SLC6A6: variants seen among roughly 807,000 people sequenced by gnomAD.
SLC6A6 encodes the protein solute carrier family 6 member 6, also known as sodium- and chloride-dependent taurine transporter.
In SLC6A6, 16 loss-of-function variants were observed where a neutral mutation model predicts 68.8. The observed-to-expected ratio is 0.23, with a 90% CI of 0.16 to 0.35. The LOEUF (loss-of-function observed/expected upper bound fraction) is 0.35. Ranked by LOEUF, SLC6A6 falls within the 10% of genes least tolerant of loss-of-function variation. The pLI is 1.00. For synonymous variants in SLC6A6, 312 were observed against 315.4 expected (o/e 0.99, Z 0.12); for missense variants, 474 against 802.8 (o/e 0.59, Z 4.95).
chr3:14,462,495 C>T (rs1398406927), intron 6 of SLC6A6, among the ~76,000 whole-genome samples: 4 of 152,058 alleles, frequency 2.6e-5, no homozygotes, highest in African/African-American at 4.8e-5. Flanking sequence ...TTCAGGAGTC[C>T]GAGACCAACC....
chr3:14,484,956 G>A lies in SLC6A6; in HGVS notation c.1812G>A (p.Met604Ile). 1 of 1,613,258 alleles carries A rather than the reference G, an allele frequency of 6.2e-7. No individual in the cohort carries two copies. Among genetic ancestry groups the A allele is most frequent in the East Asian group, 2.2e-5 (1 of 44,874 alleles). Residue 604 changes from methionine to isoleucine, a missense_variant, in exon 15 of 15, where the codon ATG becomes ATA. Transcript: ENST00000622186. ...CACCTTACAACTCTCGCACCGTCATGAACGGCGCTCTCGTGAAACCGACCC... is the reference window on the plus strand; with the variant it reads ...CACCTTACAACTCTCGCACCGTCATAAACGGCGCTCTCGTGAAACCGACCC... The part of the protein sequence containing the change: ...GATPYNSRTV[M>I]NGALVKPTHI...
chr3:14,458,239 G>T (rs575651240), intron 6 of SLC6A6, among the ~76,000 whole-genome samples, 157 bp downstream of exon 6: 1 of 152,334 alleles, frequency 6.6e-6, no homozygotes, highest in Admixed American at 6.5e-5. Context: ...TAAAACTCAG[G>T]TTTGTTGTAG....
Position 14,466,596 on chromosome 3 carries a change from C to G in SLC6A6, c.813C>G (p.Gly271=). The part of the protein sequence containing the change: ...LVRGLTLPGA[G]AGIKFYLYPD... The stretch of plus-strand genomic sequence containing the variant: ...GAGGGCTGACGCTGCCGGGCGCGGG[C>G]GCAGGCATCAAGTTCTATCTGTATC... The change falls in exon 7 of 15, where the codon GGC becomes GGG. Residue 271 remains glycine, a synonymous_variant. Coordinates refer to ENST00000622186, the MANE Select transcript of SLC6A6 (RefSeq NM_003043.6). 1 of 1,612,712 alleles carries G rather than the reference C, an allele frequency of 6.2e-7. No homozygotes were observed. Among genetic ancestry groups the G allele is most frequent in the Non-Finnish European group, 8.5e-7 (1 of 1,179,194 alleles).
At chr3:14,441,304 C>T (rs530631619) in intron 2 of SLC6A6, among the ~76,000 whole-genome samples, 3 of 152,226 alleles carry the variant, frequency 2.0e-5, no homozygotes, top group South Asian at 2.1e-4. Flanking sequence ...TCCAATTATG[C>T]GCCCACCGAG....
chr3:14,430,502 C>T (rs1012605942), intron 2 of SLC6A6, among the ~76,000 whole-genome samples: 16 of 152,134 alleles, frequency 1.1e-4, no homozygotes, highest in African/African-American at 3.1e-4. Context: ...GGCCCCTGCA[C>T]GTAGGAAGAC....
intron 5 of SLC6A6, among the ~76,000 whole-genome samples, chr3:14,448,768 C>T (rs930835329): frequency 1.3e-5 from 2 of 152,220 alleles, no homozygotes; most frequent in African/African-American, 4.8e-5. Context: ...GAGTCCTGAT[C>T]TTGGGGAACT....
At chr3:14,479,292 T>C (rs970451865) in intron 13 of SLC6A6, 107 bp downstream of exon 13, 1 of 761,330 alleles carries the variant, frequency 1.3e-6, no homozygotes, top group Non-Finnish European at 2.3e-6. Context: ...CGTGGGCTTA[T>C]AATAAACCCA....
chr3:14,428,461 A>G (rs1699650727), intron 2 of SLC6A6, among the ~76,000 whole-genome samples: 1 of 152,242 alleles, frequency 6.6e-6, no homozygotes, highest in Non-Finnish European at 1.5e-5. Context: ...GCTGTATGCC[A>G]GGCACTGTTC....
intron 2 of SLC6A6, among the ~76,000 whole-genome samples, 165 bp downstream of exon 2, chr3:14,416,618 C>A (rs190318526): frequency 5.9e-5 from 9 of 152,356 alleles, no homozygotes; most frequent in Admixed American, 4.6e-4. Flanking sequence ...GGTGGCAGAT[C>A]CCCTGGCCTG....
At chr3:14,428,736 C>T (rs1699656356) in intron 2 of SLC6A6, among the ~76,000 whole-genome samples, 1 of 152,200 alleles carries the variant, frequency 6.6e-6, no homozygotes, top group African/African-American at 2.4e-5. Context: ...CAGGGCAAGC[C>T]TCACCTTGGT....
chr3:14,409,296 A>C (rs1699182701), intron 1 of SLC6A6, among the ~76,000 whole-genome samples: 1 of 152,238 alleles, frequency 6.6e-6, no homozygotes, highest in Non-Finnish European at 1.5e-5. Context: ...CAGTGCTGCC[A>C]GCTCAGTAAA....
chr3:14,487,488 A>G lies in SLC6A6; in HGVS notation c.*2481A>G, dbSNP rs993340957. 5 of 152,314 alleles carry G rather than the reference A, an allele frequency of 3.3e-5. No individual in the cohort carries two copies. The highest frequency in any genetic ancestry group is 9.6e-5 in the African/African-American group (4 of 41,468). 9.4% of individuals were successfully genotyped at this position (152,314 alleles called of 1,614,324 possible). ...GCTCATGACTCTGGTCCACCTGTCT[A>G]TAGAGAATGGGCAAAGTCCTTCACC... On this transcript the variant is annotated 3_prime_UTR_variant, in exon 15 of 15. Transcript: ENST00000622186.
intron 2 of SLC6A6, among the ~76,000 whole-genome samples, chr3:14,440,947 GGC>G (rs1402092622): frequency 3.3e-5 from 5 of 152,164 alleles, no homozygotes; most frequent in African/African-American, 1.2e-4. Context: ...CCCCCATCCT[GGC>G]TCAGCCCCAG....
intron 11 of SLC6A6, 21 bp from the exon 12 acceptor site, chr3:14,478,445 C>G: frequency 6.6e-7 from 1 of 1,519,912 alleles, no homozygotes; most frequent in Non-Finnish European, 9.1e-7. Context: ...AATCGACCTT[C>G]TGTGGTTTTT....
intron 10 of SLC6A6, among the ~76,000 whole-genome samples, chr3:14,476,790 T>C (rs1394507645): frequency 6.6e-6 from 1 of 152,096 alleles, no homozygotes; most frequent in African/African-American, 2.4e-5. Context: ...TGGAGATCAG[T>C]GAGGGAGGTT....
Position 14,485,902 on chromosome 3 carries a change from G to T in SLC6A6, c.*895G>T, listed in dbSNP as rs1347388184. The T allele has an allele frequency of 6.6e-6, 1 of 152,602 alleles. No individual in the cohort carries two copies. The highest frequency in any genetic ancestry group is 6.5e-5 in the Admixed American group (1 of 15,276). The allele number at this position is 152,602 out of a possible 1,614,324, so 9.5% of individuals were successfully genotyped here. A position where few individuals can be genotyped will look rare whatever the true frequency, so the allele number is the denominator to read the frequency against. On this transcript the variant is annotated 3_prime_UTR_variant, in exon 15 of 15. Transcript: ENST00000622186. ...GCAAGAGGTGGCAGAGGCACAGGAGGCCACAGTCCTTCCTGGGGCATTCCA... is the reference window on the plus strand; with the variant it reads ...GCAAGAGGTGGCAGAGGCACAGGAGTCCACAGTCCTTCCTGGGGCATTCCA...
chr3:14,462,423 C>T (rs1189074993), intron 6 of SLC6A6, among the ~76,000 whole-genome samples: 1 of 152,178 alleles, frequency 6.6e-6, no homozygotes, highest in Non-Finnish European at 1.5e-5. Flanking sequence ...GGAGGCCCAG[C>T]ACAGTAGCTC....
chr3:14,445,640 C>A, intron 3 of SLC6A6, 77 bp from the exon 4 acceptor site: 1 of 1,524,328 alleles, frequency 6.6e-7, no homozygotes, highest in Non-Finnish European at 9.1e-7. Flanking sequence ...GTTCCATTGG[C>A]TGGGAGGGCT....
intron 2 of SLC6A6, among the ~76,000 whole-genome samples, chr3:14,419,569 G>A (rs951710270): frequency 3.9e-5 from 6 of 152,128 alleles, no homozygotes; most frequent in African/African-American, 7.2e-5. Context: ...TGCCGGCTTC[G>A]TGACCTGGAG....
Sources: gnomAD v4.1 joint callset for allele counts (sites outside exome capture counted in the v4.1 genomes callset) on GRCh38, gnomAD v4.1.1 for gene constraint, MANE v1.5 for transcripts, NCBI Gene and HGNC (gene_info 2026-07-23, HGNC 2026-07-21) for gene names.